COL24A1: variants seen among roughly 807,000 people sequenced by gnomAD.
COL24A1 encodes the protein collagen alpha-1(XXIV) chain.
Under a neutral mutation model 253.9 loss-of-function variants are expected in COL24A1, and 224 were observed. The ratio of observed to expected loss-of-function variants is 0.88; its 90% CI spans 0.79 to 0.99. The LOEUF is 0.99. Among genes scored for constraint, COL24A1 ranks in the 50% least tolerant of loss-of-function variants. The pLI, the probability that COL24A1 is intolerant of heterozygous loss-of-function variation, is 0.00. For synonymous variants in COL24A1, 685 were observed against 673.7 expected, an observed-to-expected ratio of 1.02 and a Z score of -0.26; for missense variants, 2,131 against 2,068.5, an observed-to-expected ratio of 1.03 and a Z score of -0.59.
chr1:85,828,586 G>T (rs886481974), intron 43 of COL24A1, among the ~76,000 whole-genome samples: 2 of 151,020 alleles, frequency 1.3e-5, no homozygotes, highest in Admixed American at 1.3e-4. Context: ...CTCAGGACTT[G>T]CTTTGTGAAT....
chr1:85,864,308 C>T (rs1051456649), intron 37 of COL24A1, among the ~76,000 whole-genome samples: 1 of 151,174 alleles, frequency 6.6e-6, no homozygotes, highest in South Asian at 2.1e-4. Context: ...GGACAAAAAA[C>T]CAAACACCGC....
intron 2 of COL24A1, among the ~76,000 whole-genome samples, chr1:86,130,760 C>T (rs1455817881): frequency 6.6e-6 from 1 of 151,976 alleles, no homozygotes; most frequent in Non-Finnish European, 1.5e-5. Flanking sequence ...AGTTAATCTA[C>T]TCTTCCTATT....
intron 19 of COL24A1, among the ~76,000 whole-genome samples, chr1:85,997,055 G>GTGTGTATA: frequency 8.4e-5 from 8 of 95,090 alleles, no homozygotes; most frequent in African/African-American, 2.6e-4. Context: ...GTGTGTGTGT[G>GTGTGTATA]TATATATATA....
At chr1:86,144,135 T>C (rs574286995) in intron 2 of COL24A1, among the ~76,000 whole-genome samples, 49 of 152,176 alleles carry the variant, frequency 3.2e-4, no homozygotes, top group African/African-American at 1.2e-3. Context: ...ACTTTTCTTT[T>C]TGTTAAGAAC....
Position 86,125,528 on chromosome 1 carries a change from G to A in COL24A1, c.808C>T (p.Pro270Ser). Residue 270 changes from proline to serine, a missense_variant, in exon 3 of 60, where the codon CCG (proline) becomes TCG (serine). Transcript: ENST00000370571. ...IPTKIPEHSP[P>S]PKLFAEKVLS... ...ACTTTTTCAGCAAATAGTTTGGGCG[G>A]GGGAGAGTGTTCCGGTATCTTTGTT... is the stretch of plus-strand genomic sequence containing the variant. 6.2e-7 allele frequency: 1 copy of A among 1,613,596 alleles called. No homozygotes were observed. Among genetic ancestry groups the A allele is most frequent in the Non-Finnish European group, 8.5e-7 (1 of 1,179,750 alleles).
intron 55 of COL24A1, among the ~76,000 whole-genome samples, chr1:85,754,855 T>C (rs1392867345): frequency 6.6e-6 from 1 of 151,952 alleles, no homozygotes; most frequent in African/African-American, 2.4e-5. Context: ...CTTATCAACA[T>C]ATGCATGATG....
chr1:85,874,854 T>C, intron 34 of COL24A1, 152 bp from the exon 35 acceptor site: 1 of 707,904 alleles, frequency 1.4e-6, no homozygotes, highest in Non-Finnish European at 2.4e-6. Flanking sequence ...AAACAGCAGG[T>C]GAGCAGCTGG....
Position 85,868,714 on chromosome 1 carries a change from TGATGTCTAATATTTTAAA to T in COL24A1, c.3192+50_3192+67del, listed in dbSNP as rs550813638. 25 of 1,421,370 alleles carry T rather than the reference TGATGTCTAATATTTTAAA, an allele frequency of 1.8e-5. No homozygotes were observed. In the South Asian group the frequency reaches 3.1e-4, roughly 18 times the overall value. The allele number at this position is 1,421,370 out of a possible 1,614,324, so 88.0% of individuals were successfully genotyped here. On this transcript the variant is annotated intron_variant, in intron 36 of 59. Transcript: ENST00000370571. ...ACAGGTTTTTGTCACACAAAAACAA[TGATGTCTAATATTTTAAA>T]GATTTTACAAAACATCTATTTTATA...
intron 53 of COL24A1, among the ~76,000 whole-genome samples, chr1:85,770,963 A>C (rs1461487243): frequency 6.6e-6 from 1 of 152,190 alleles, no homozygotes; most frequent in Non-Finnish European, 1.5e-5. Flanking sequence ...CCACTGGTGA[A>C]GAAAACCCAT....
intron 19 of COL24A1, among the ~76,000 whole-genome samples, 176 bp from the exon 20 acceptor site, chr1:85,987,830 A>C (rs1000402878): frequency 6.6e-6 from 1 of 151,956 alleles, no homozygotes; most frequent in African/African-American, 2.4e-5. Context: ...TAAAACTTAC[A>C]AAGTGTACTA....
intron 10 of COL24A1, among the ~76,000 whole-genome samples, chr1:86,053,121 A>G (rs535449769): frequency 2.5e-4 from 38 of 152,272 alleles, no homozygotes; most frequent in Non-Finnish European, 4.4e-4. Flanking sequence ...TATTTCTGAT[A>G]CTAGAGCATT....
intron 24 of COL24A1, among the ~76,000 whole-genome samples, chr1:85,937,087 T>G (rs1688306643): frequency 6.8e-6 from 1 of 147,470 alleles, no homozygotes; most frequent in Non-Finnish European, 1.5e-5. Context: ...AGCTGACACC[T>G]TTGCTCTCTG....
At chr1:85,996,741 A>T (rs1327459415) in intron 19 of COL24A1, among the ~76,000 whole-genome samples, 1 of 152,186 alleles carries the variant, frequency 6.6e-6, no homozygotes, top group East Asian at 1.9e-4. Context: ...CACTGATCAC[A>T]TACTAGAAAA....
intron 57 of COL24A1, among the ~76,000 whole-genome samples, chr1:85,743,988 A>C (rs958740014): frequency 6.6e-6 from 1 of 152,096 alleles, no homozygotes; most frequent in African/African-American, 2.4e-5. Flanking sequence ...GCTTTTTCAA[A>C]TCAGCATTTT....
chr1:86,090,631 A>G lies in COL24A1; in HGVS notation c.1654-1404T>C, dbSNP rs572799258. Among the ~76,000 whole-genome samples the G allele has an allele frequency of 5.3e-5, 8 of 152,298 alleles. No homozygotes were observed. In the South Asian group the frequency reaches 1.2e-3, roughly 24 times the overall value. On this transcript the variant is annotated intron_variant, in intron 6 of 59. Coordinates refer to ENST00000370571, the MANE Select transcript of COL24A1 (RefSeq NM_152890.7). Reference sequence around the variant, plus strand: ...ATTTGTATTCAGATTTATGTGTATAACCAGTTTCCTTTTTCCTCAGTATAT... The same window carrying G: ...ATTTGTATTCAGATTTATGTGTATAGCCAGTTTCCTTTTTCCTCAGTATAT...
chr1:85,948,652 C>T (rs1171096789), intron 24 of COL24A1, among the ~76,000 whole-genome samples: 1 of 150,050 alleles, frequency 6.7e-6, no homozygotes, highest in Non-Finnish European at 1.5e-5. Context: ...TGTATACCAA[C>T]ACAACTTAGC....
At chr1:85,819,874 G>A (rs1673435311) in intron 45 of COL24A1, among the ~76,000 whole-genome samples, 1 of 144,374 alleles carries the variant, frequency 6.9e-6, no homozygotes, top group Admixed American at 7.1e-5. Flanking sequence ...TTGAGACAGA[G>A]TCTCACTCTG....
At chr1:85,766,557 C>T (rs938121623) in intron 53 of COL24A1, among the ~76,000 whole-genome samples, 2 of 151,876 alleles carry the variant, frequency 1.3e-5, no homozygotes, top group African/African-American at 4.8e-5. Flanking sequence ...AAAGGACCTA[C>T]TTGGGATCAA....
At chr1:85,840,472 A>G (rs1426917437) in intron 42 of COL24A1, among the ~76,000 whole-genome samples, 1 of 152,210 alleles carries the variant, frequency 6.6e-6, no homozygotes, top group East Asian at 1.9e-4. Context: ...AGCCAGGTCA[A>G]AATATCAGGA....
Sources: allele counts gnomAD v4.1 joint callset (sites outside exome capture counted in the v4.1 genomes callset), GRCh38; gene constraint gnomAD v4.1.1; transcripts MANE v1.5; gene names NCBI Gene and HGNC (gene_info 2026-07-23, HGNC 2026-07-21).